The following TIAM2 variants were observed in gnomAD, a reference collection of about 807,000 sequenced individuals.
The protein encoded by TIAM2 is TIAM Rac1 associated GEF 2, also known as rho guanine nucleotide exchange factor TIAM2.
A neutral mutation model predicts 152.9 loss-of-function variants in TIAM2; 80 were observed. The observed-to-expected ratio is 0.52, with a 90% confidence interval of 0.44 to 0.63. The LOEUF is 0.63. TIAM2 is among the 30% of genes least tolerant of loss of function. The pLI is 0.00. For synonymous variants in TIAM2, 804 were observed against 838.0 expected (o/e 0.96, Z 0.70); for missense variants, 1,965 against 2,120.1 (o/e 0.93, Z 1.44).
intron 2 of TIAM2, among the ~76,000 whole-genome samples, chr6:155,114,033 TA>T (rs1221485431): frequency 0.035 from 1,813 of 51,884 alleles, 59 homozygotes; most frequent in African/African-American, 0.12. Flanking sequence ...TATATATATA[TA>T]TATTTTTTTT....
chr6:155,023,785 C>A (rs1776543914), intron 1 of TIAM2, among the ~76,000 whole-genome samples: 1 of 152,124 alleles, frequency 6.6e-6, no homozygotes, highest in Admixed American at 6.5e-5. Flanking sequence ...CTAATTGAAA[C>A]CTTAAATTGT....
At chr6:155,053,715 C>A (rs1404822159) in intron 1 of TIAM2, among the ~76,000 whole-genome samples, 1 of 152,122 alleles carries the variant, frequency 6.6e-6, no homozygotes, top group African/African-American at 2.4e-5. Context: ...AAGTGATTCG[C>A]CTGCCTCAGC....
intron 9 of TIAM2, chr6:155,168,973 A>C: frequency 7.1e-7 from 1 of 1,400,408 alleles, no homozygotes; most frequent in Middle Eastern, 1.8e-4. Flanking sequence ...ACAAATGCTA[A>C]CTTTTTCTGT....
chr6:155,020,249 G>A (rs963262804), intron 1 of TIAM2, among the ~76,000 whole-genome samples: 2 of 152,146 alleles, frequency 1.3e-5, no homozygotes, highest in Non-Finnish European at 2.9e-5. Context: ...GAAACCTGTG[G>A]AAATTAGATC....
chr6:155,230,000 A>G (rs1483453901), intron 15 of TIAM2, among the ~76,000 whole-genome samples: 2 of 151,846 alleles, frequency 1.3e-5, no homozygotes, highest in Non-Finnish European at 2.9e-5. Flanking sequence ...CCCATGACAC[A>G]TGGGAATCAT....
rs770960564 is a variant in TIAM2, at chr6:155,137,323, TGCGATTG to T, written c.1344_1350del (p.Ile449AlafsTer18). ...TGTCTCAGAGAAGTGAATCCACACA[TGCGATTG>T]GCAGCGATCCCCTCCGGCAGAACAT... On this transcript the variant is annotated frameshift_variant, in exon 5 of 27. Transcript: ENST00000682666. LOFTEE classifies it high-confidence loss of function. 4.3e-6 allele frequency: 7 copies of T among 1,614,234 alleles called. No homozygotes were observed. Among genetic ancestry groups the T allele is most frequent in the Non-Finnish European group, 5.9e-6 (7 of 1,180,042 alleles).
intron 2 of TIAM2, among the ~76,000 whole-genome samples, chr6:155,119,672 G>A (rs150448980): frequency 1.1e-3 from 171 of 152,326 alleles, no homozygotes; most frequent in African/African-American, 3.9e-3. Flanking sequence ...GGGACTCGTC[G>A]GAGCTTGGCT....
chr6:155,211,086 C>A, intron 14 of TIAM2, 118 bp from the exon 15 acceptor site: 1 of 760,214 alleles, frequency 1.3e-6, no homozygotes, highest in Non-Finnish European at 2.1e-6. Flanking sequence ...CAGGACTGCT[C>A]TGTACTGCCT....
chr6:155,135,917 G>A (rs531777250), intron 4 of TIAM2, among the ~76,000 whole-genome samples: 18 of 152,116 alleles, frequency 1.2e-4, no homozygotes, highest in African/African-American at 4.3e-4. Context: ...AAAACTGGCC[G>A]GGCGCGGTGG....
At chr6:155,071,568 C>T (rs1777837993) in intron 1 of TIAM2, among the ~76,000 whole-genome samples, 1 of 152,182 alleles carries the variant, frequency 6.6e-6, no homozygotes, top group Admixed American at 6.5e-5. Flanking sequence ...ATGGTAAGTG[C>T]TTGAACAGAG....
chr6:155,043,460 T>C (rs1562298747), intron 1 of TIAM2, among the ~76,000 whole-genome samples: 2 of 151,868 alleles, frequency 1.3e-5, no homozygotes, highest in Admixed American at 1.3e-4. Context: ...AGTGAGTCCC[T>C]GTCTGTACCA....
intron 7 of TIAM2, among the ~76,000 whole-genome samples, chr6:155,153,828 A>G (rs181572751): frequency 1.3e-5 from 2 of 152,012 alleles, no homozygotes; most frequent in East Asian, 3.9e-4. Context: ...CACCATGTTG[A>G]CCAGGCTGTT....
intron 1 of TIAM2, among the ~76,000 whole-genome samples, chr6:154,999,313 C>T (rs900012923): frequency 3.3e-5 from 5 of 152,004 alleles, no homozygotes; most frequent in Admixed American, 1.3e-4. Context: ...TGAGTTCAAG[C>T]GATTCTCCTG....
chr6:155,061,612 C>T (rs1047217344), intron 1 of TIAM2, among the ~76,000 whole-genome samples: 3 of 152,194 alleles, frequency 2.0e-5, no homozygotes, highest in African/African-American at 7.2e-5. Flanking sequence ...TTACCGTCTA[C>T]AGGGCAGTGT....
intron 2 of TIAM2, among the ~76,000 whole-genome samples, chr6:155,122,502 G>T (rs574552866): frequency 6.6e-6 from 1 of 151,870 alleles, no homozygotes; most frequent in Non-Finnish European, 1.5e-5. Context: ...GGATTGGGAG[G>T]GAATGGAGAA....
chr6:155,116,197 T>A (rs1779007033), intron 2 of TIAM2, among the ~76,000 whole-genome samples: 1 of 152,236 alleles, frequency 6.6e-6, no homozygotes, highest in African/African-American at 2.4e-5. Context: ...ATTAGCAAAT[T>A]TAAACTATAC....
chr6:155,231,063 G>T (rs1215736873), intron 15 of TIAM2, among the ~76,000 whole-genome samples: 1 of 151,636 alleles, frequency 6.6e-6, no homozygotes, highest in African/African-American at 2.4e-5. Flanking sequence ...GCTGGTCTCA[G>T]ACTCCTGACA....
At position 155,115,845 on chromosome 6, in the gene TIAM2, G is replaced by A. The variant is rs375709268; in HGVS notation, c.-117-11645G>A. ...AGCATTAAGAAAGGATTGGTCAGGCGTGGTGGCTCACGCCTGTAATCTATG... is the reference window on the plus strand; with the variant it reads ...AGCATTAAGAAAGGATTGGTCAGGCATGGTGGCTCACGCCTGTAATCTATG... On this transcript the variant is annotated intron_variant, in intron 2 of 26. Coordinates refer to ENST00000682666, the MANE Select transcript of TIAM2 (RefSeq NM_012454.4). 2.9e-4 allele frequency among the ~76,000 whole-genome samples: 44 copies of A among 152,324 alleles called. No homozygotes were observed. In the East Asian group the frequency reaches 7.3e-3, roughly 25 times the overall value.
intron 15 of TIAM2, among the ~76,000 whole-genome samples, chr6:155,225,721 TTC>T (rs1378174820): frequency 1.3e-5 from 2 of 152,240 alleles, no homozygotes; most frequent in African/African-American, 4.8e-5. Context: ...CTTATTCCAT[TTC>T]TGTTAGAAGT....
Sources: allele counts gnomAD v4.1 joint callset (sites outside exome capture counted in the v4.1 genomes callset), GRCh38; gene constraint gnomAD v4.1.1; transcripts MANE v1.5; gene names NCBI Gene and HGNC (gene_info 2026-07-23, HGNC 2026-07-21).